Variants in ZMYM2 observed in about 807,000 individuals in gnomAD.
ZMYM2 encodes the protein zinc finger MYM-type protein 2.
ZMYM2 carries 56 observed loss-of-function variants against 162.8 expected under a neutral mutation model. The ratio of observed to expected loss-of-function variants is 0.34; its 90% CI spans 0.28 to 0.43. ZMYM2 has a LOEUF of 0.43. ZMYM2 is among the 20% of genes least tolerant of loss of function. The pLI is 1.00. For synonymous variants in ZMYM2, 510 were observed against 541.6 expected (o/e 0.94, Z 0.81); for missense variants, 1,275 against 1,621.8 (o/e 0.79, Z 3.67).
the ZMYM2 span, among the ~76,000 whole-genome samples, chr13:19,951,049 T>A: frequency 6.6e-6 from 1 of 152,176 alleles, no homozygotes; most frequent in Non-Finnish European, 1.5e-5. Context: ...TTTTGGCTCG[T>A]CAGTTATCAT....
chr13:20,008,734 G>A (rs549410334), intron 6 of ZMYM2, among the ~76,000 whole-genome samples: 2 of 152,116 alleles, frequency 1.3e-5, no homozygotes, highest in Admixed American at 1.3e-4. Context: ...GGTCTGTAAT[G>A]TCCTTTTTTT....
chr13:19,946,666 T>TAGG, the ZMYM2 span, among the ~76,000 whole-genome samples: 3 of 152,234 alleles, frequency 2.0e-5, no homozygotes, highest in African/African-American at 7.2e-5. Context: ...GATTCACTGT[T>TAGG]GTATCCCTAG....
chr13:19,981,775 C>G lies in ZMYM2; in HGVS notation c.-10-11288C>G, dbSNP rs929002054. On this transcript the variant is annotated intron_variant, in intron 2 of 24. Transcript: ENST00000610343. ...ACTGTTTCTACCAACTTGAGTTTTT[C>G]ATCCCATTTGTTTTCATCATGAAGA... is the stretch of plus-strand genomic sequence containing the variant. Among the ~76,000 whole-genome samples the G allele has an allele frequency of 2.2e-4, 34 of 152,070 alleles. 1 individual carries two copies. Among genetic ancestry groups the G allele is most frequent in the Non-Finnish European group, 5.9e-5 (4 of 67,994 alleles).
At chr13:19,962,640 T>C (rs1955372123) in intron 2 of ZMYM2, among the ~76,000 whole-genome samples, 1 of 144,950 alleles carries the variant, frequency 6.9e-6, no homozygotes. Flanking sequence ...TTCTCCTGCC[T>C]CAGCCTCCCA....
intron 6 of ZMYM2, among the ~76,000 whole-genome samples, chr13:20,009,483 T>C (rs1951004911): frequency 6.6e-6 from 1 of 152,234 alleles, no homozygotes; most frequent in African/African-American, 2.4e-5. Context: ...TAGTTACATT[T>C]ACAGTGTTGT....
At chr13:20,037,213 A>ATTTTTTT (rs754909177) in intron 12 of ZMYM2, among the ~76,000 whole-genome samples, 14 of 90,388 alleles carry the variant, frequency 1.5e-4, no homozygotes, top group African/African-American at 2.9e-4. Flanking sequence ...ACTAAGTAGA[A>ATTTTTTT]TTTTTTTTTT....
chr13:20,028,213 T>G (rs1246402880), intron 9 of ZMYM2: 1 of 159,462 alleles, frequency 6.3e-6, no homozygotes, highest in Non-Finnish European at 1.4e-5. Flanking sequence ...TCACTGAGCT[T>G]AGGTGATAAA....
At chr13:19,918,574 C>A in the ZMYM2 span, among the ~76,000 whole-genome samples, 4 of 140,190 alleles carry the variant, frequency 2.9e-5, no homozygotes, top group African/African-American at 1.1e-4. Context: ...TCTTGGCTCA[C>A]TGCAACCTCT....
chr13:19,916,348 G>C, the ZMYM2 span, among the ~76,000 whole-genome samples: 1 of 152,214 alleles, frequency 6.6e-6, no homozygotes, highest in Non-Finnish European at 1.5e-5. Context: ...TTGACCCAGT[G>C]ATCCCATTAC....
chr13:19,877,168 T>C, the ZMYM2 span, among the ~76,000 whole-genome samples: 1 of 144,510 alleles, frequency 6.9e-6, no homozygotes, highest in Non-Finnish European at 1.5e-5. Context: ...GCCGAGATTG[T>C]GCCACTGCAC....
At chr13:19,946,685 C>T in the ZMYM2 span, among the ~76,000 whole-genome samples, 13 of 152,304 alleles carry the variant, frequency 8.5e-5, no homozygotes, top group Admixed American at 2.6e-4. Flanking sequence ...AGCACTTACC[C>T]TACTGTTTGG....
At chr13:19,912,292 GTTTT>G in the ZMYM2 span, among the ~76,000 whole-genome samples, 30 of 75,710 alleles carry the variant, frequency 4.0e-4, 1 homozygote, top group South Asian at 1.8e-3. Flanking sequence ...TGTTTTTTGG[GTTTT>G]TTTTTTTTTT....
chr13:20,062,777 C>T, intron 17 of ZMYM2, 69 bp from the exon 18 acceptor site: 9 of 1,386,880 alleles, frequency 6.5e-6, no homozygotes, highest in South Asian at 5.0e-5. Flanking sequence ...CTTGCTTTTG[C>T]CAGATTAAAT....
the ZMYM2 span, among the ~76,000 whole-genome samples, chr13:19,867,332 A>G: frequency 9.3e-4 from 141 of 151,288 alleles, 1 homozygote; most frequent in African/African-American, 2.8e-3. Context: ...CCTGGGCGAC[A>G]AGAGCGAAAC....
intron 12 of ZMYM2, among the ~76,000 whole-genome samples, chr13:20,041,639 G>A (rs183865716): frequency 6.6e-6 from 1 of 152,294 alleles, no homozygotes; most frequent in East Asian, 1.9e-4. Flanking sequence ...TTGCTTTATA[G>A]TGTCACTTGT....
At chr13:19,886,050 T>C in the ZMYM2 span, among the ~76,000 whole-genome samples, 3 of 147,620 alleles carry the variant, frequency 2.0e-5, no homozygotes, top group African/African-American at 7.5e-5. Flanking sequence ...TTTTAATCTA[T>C]AGGAATCTCT....
chr13:20,038,322 A>G (rs1401626027), intron 12 of ZMYM2, among the ~76,000 whole-genome samples: 2 of 152,124 alleles, frequency 1.3e-5, no homozygotes, highest in Non-Finnish European at 2.9e-5. Flanking sequence ...CTTTTGTTGC[A>G]GTTGCTTTTG....
Position 20,086,027 on chromosome 13 carries a change from C to G in ZMYM2, c.*13C>G, listed in dbSNP as rs778055956. The G allele has an allele frequency of 1.8e-5, 29 of 1,610,688 alleles. No homozygotes were observed. In the East Asian group the frequency reaches 6.2e-4, roughly 35 times the overall value. Reference sequence around the variant, plus strand: ...AGACACAGACTAAAAAGGAACGTTGCAGAAGCAATCGGGATAAAACAGCAT... The same window carrying G: ...AGACACAGACTAAAAAGGAACGTTGGAGAAGCAATCGGGATAAAACAGCAT... On this transcript the variant is annotated 3_prime_UTR_variant, in exon 25 of 25. Coordinates refer to ENST00000610343, the MANE Select transcript of ZMYM2 (RefSeq NM_197968.4).
intron 2 of ZMYM2, among the ~76,000 whole-genome samples, chr13:19,981,522 C>A (rs1050580859): frequency 2.0e-5 from 3 of 152,138 alleles, no homozygotes; most frequent in African/African-American, 4.8e-5. Flanking sequence ...CTGCCTCTGA[C>A]CTGCAATATA....
Sources: gnomAD v4.1 joint callset for allele counts (sites outside exome capture counted in the v4.1 genomes callset) on GRCh38, gnomAD v4.1.1 for gene constraint, MANE v1.5 for transcripts, NCBI Gene and HGNC (gene_info 2026-07-23, HGNC 2026-07-21) for gene names.